SDK1: variants seen among roughly 807,000 people sequenced by gnomAD.
SDK1 encodes the protein protein sidekick-1.
A neutral mutation model predicts 245.5 loss-of-function variants in SDK1; 157 were observed. That is an observed-to-expected ratio of 0.64 (90% confidence interval 0.56 to 0.73). The LOEUF (loss-of-function observed/expected upper bound fraction) is 0.73, where lower values mean the gene tolerates loss of function less well. Among genes scored for constraint, SDK1 ranks in the 30% least tolerant of loss-of-function variants. The probability of loss-of-function intolerance (pLI) is 0.00; values close to 1 mark genes in which losing one functional copy is unlikely to be tolerated. For missense variants in SDK1, 3,583 were observed against 3,002.3 expected, an observed-to-expected ratio of 1.19 and a Z score of -4.52; for synonymous variants, 1,647 against 1,278.5, an observed-to-expected ratio of 1.29 and a Z score of -6.15.
intron 13 of SDK1, among the ~76,000 whole-genome samples, chr7:3,978,488 C>T (rs1046350201): frequency 6.6e-6 from 1 of 152,164 alleles, no homozygotes; most frequent in Non-Finnish European, 1.5e-5. Context: ...TAAGTACAAA[C>T]TGGTTACAGA....
At chr7:4,176,645 C>G (rs894629040) in intron 34 of SDK1, among the ~76,000 whole-genome samples, 1 of 152,164 alleles carries the variant, frequency 6.6e-6, no homozygotes, top group African/African-American at 2.4e-5. Context: ...AATACTAATT[C>G]GTTATACCCC....
chr7:3,327,953 A>G (rs1288162911), intron 1 of SDK1, among the ~76,000 whole-genome samples: 2 of 152,118 alleles, frequency 1.3e-5, no homozygotes, highest in Admixed American at 6.5e-5. Context: ...TTGATACCCT[A>G]TCACTATGCA....
chr7:4,018,487 C>T (rs185615462), intron 17 of SDK1, among the ~76,000 whole-genome samples: 19 of 152,318 alleles, frequency 1.2e-4, no homozygotes, highest in Admixed American at 1.2e-3. Flanking sequence ...TGTCCATATG[C>T]AAGTAATTCT....
intron 1 of SDK1, among the ~76,000 whole-genome samples, chr7:3,442,276 C>G (rs911502461): frequency 2.4e-4 from 37 of 152,164 alleles, no homozygotes; most frequent in African/African-American, 8.2e-4. Context: ...CCGCATTTTT[C>G]TAAAGGAGTA....
chr7:3,803,411 A>C (rs1300427957), intron 4 of SDK1, among the ~76,000 whole-genome samples: 1 of 151,276 alleles, frequency 6.6e-6, no homozygotes, highest in Non-Finnish European at 1.5e-5. Flanking sequence ...CTGAAATTCA[A>C]GCAATTCTCC....
intron 5 of SDK1, among the ~76,000 whole-genome samples, chr7:3,948,552 G>A (rs1292005717): frequency 6.6e-6 from 1 of 152,174 alleles, no homozygotes. Context: ...GTGAGCCACC[G>A]CGCCCGGCCA....
In SDK1 at chr7:4,183,695, C is replaced by T. The variant is rs576083453; in HGVS notation, c.5098+5109C>T. On this transcript the variant is annotated intron_variant, in intron 35 of 44. Transcript: ENST00000404826. The stretch of plus-strand genomic sequence containing the variant: ...TTATATTTTAGCCGAGTTCAGGCTT[C>T]TCCCATACTCCTAATCTCTCAGCCT... 2.2e-4 allele frequency among the ~76,000 whole-genome samples: 33 copies of T among 151,904 alleles called. No homozygotes were observed. In the East Asian group the frequency reaches 5.2e-3, roughly 24 times the overall value.
intron 1 of SDK1, chr7:3,338,506 A>C (rs1780261668): frequency 6.4e-6 from 3 of 467,746 alleles, no homozygotes; most frequent in African/African-American, 4.0e-5. Context: ...GGTTCAGCTG[A>C]AGAGCCAGCC....
intron 1 of SDK1, among the ~76,000 whole-genome samples, chr7:3,434,926 C>G (rs1179618353): frequency 1.3e-5 from 2 of 152,132 alleles, no homozygotes; most frequent in Non-Finnish European, 2.9e-5. Flanking sequence ...TTTCTCATCT[C>G]ACAGGTGAGT....
At chr7:3,437,375 A>C (rs570201143) in intron 1 of SDK1, among the ~76,000 whole-genome samples, 154 of 152,368 alleles carry the variant, frequency 1.0e-3, no homozygotes, top group African/African-American at 3.7e-3. Flanking sequence ...ATGTTTTAGC[A>C]TAATGTCACT....
chr7:4,263,450 C>T (rs1012234896), intron 44 of SDK1, among the ~76,000 whole-genome samples: 12 of 149,484 alleles, frequency 8.0e-5, no homozygotes, highest in East Asian at 6.2e-4. Context: ...GGGGAGGCCG[C>T]GTAGACCTCT....
At chr7:4,131,853 T>C (rs958973346) in intron 27 of SDK1, among the ~76,000 whole-genome samples, 3 of 152,050 alleles carry the variant, frequency 2.0e-5, no homozygotes, top group Non-Finnish European at 2.9e-5. Flanking sequence ...CACATGTTAT[T>C]TCATCAGAAA....
chr7:3,464,162 A>G (rs555699574), intron 1 of SDK1, among the ~76,000 whole-genome samples: 1 of 152,330 alleles, frequency 6.6e-6, no homozygotes, highest in Admixed American at 6.5e-5. Context: ...TGAAACCTAT[A>G]CATACATGTT....
At chr7:3,368,853 A>G (rs1459446013) in intron 1 of SDK1, among the ~76,000 whole-genome samples, 2 of 152,160 alleles carry the variant, frequency 1.3e-5, no homozygotes, top group Non-Finnish European at 2.9e-5. Context: ...ATAACATTTG[A>G]TTGGTATTAA....
At chr7:4,068,262 T>C (rs1780026552) in intron 20 of SDK1, among the ~76,000 whole-genome samples, 1 of 152,238 alleles carries the variant, frequency 6.6e-6, no homozygotes, top group South Asian at 2.1e-4. Flanking sequence ...TGCGTGTGTC[T>C]TGCTTAATTC....
intron 35 of SDK1, among the ~76,000 whole-genome samples, chr7:4,196,445 C>T (rs1054263153): frequency 6.6e-6 from 1 of 152,220 alleles, no homozygotes; most frequent in Non-Finnish European, 1.5e-5. Flanking sequence ...TCTCTAAAGC[C>T]ATTCAGTCCC....
intron 4 of SDK1, among the ~76,000 whole-genome samples, chr7:3,657,286 A>G (rs550659560): frequency 2.0e-5 from 3 of 152,284 alleles, no homozygotes; most frequent in East Asian, 3.9e-4. Flanking sequence ...AACAGATGAG[A>G]GGCAGACAGC....
chr7:4,215,514 T>A (rs374873305), intron 38 of SDK1, among the ~76,000 whole-genome samples: 30 of 152,372 alleles, frequency 2.0e-4, no homozygotes, highest in African/African-American at 7.0e-4. Flanking sequence ...TGGGCTGGCC[T>A]GTGGGGTGAC....
rs1211539838 is a variant in SDK1, at chr7:4,130,109, G to A, written c.4129+12G>A. 1.3e-6 allele frequency: 2 copies of A among 1,569,116 alleles called. No individual in the cohort carries two copies. On this transcript the variant is annotated intron_variant, in intron 27 of 44. Coordinates refer to ENST00000404826, the MANE Select transcript of SDK1 (RefSeq NM_152744.4). ...CACCAAAGACGATGGTAGGTCCAGG[G>A]TTCGCGCCTTCGGGAGCCTTGCTGC...
Sources: gnomAD v4.1 joint callset for allele counts (sites outside exome capture counted in the v4.1 genomes callset) on GRCh38, gnomAD v4.1.1 for gene constraint, MANE v1.5 for transcripts, NCBI Gene and HGNC (gene_info 2026-07-23, HGNC 2026-07-21) for gene names.